The following CACHD1 variants were observed in gnomAD, a reference collection of about 807,000 sequenced individuals.
The protein encoded by CACHD1 is cache domain containing 1, also known as VWFA and cache domain-containing protein 1.
Under a neutral mutation model 138.7 loss-of-function variants are expected in CACHD1, and 71 were observed. The ratio of observed to expected loss-of-function variants is 0.51; its 90% CI spans 0.42 to 0.62. CACHD1 has a LOEUF of 0.62. Among genes scored for constraint, CACHD1 ranks in the 20% least tolerant of loss-of-function variants. The pLI, the probability that CACHD1 is intolerant of heterozygous loss-of-function variation, is 0.00. For missense variants in CACHD1, 1,389 were observed against 1,625.3 expected, an observed-to-expected ratio of 0.85 and a Z score of 2.50; for synonymous variants, 578 against 591.5, an observed-to-expected ratio of 0.98 and a Z score of 0.33.
intron 1 of CACHD1, among the ~76,000 whole-genome samples, chr1:64,523,365 A>G (rs1298800196): frequency 1.4e-5 from 2 of 138,538 alleles, no homozygotes. Context: ...TAGTTAAAAA[A>G]TAAGTTTTCT....
intron 1 of CACHD1, among the ~76,000 whole-genome samples, chr1:64,535,527 GT>G (rs1158271753): frequency 2.0e-5 from 3 of 152,028 alleles, no homozygotes; most frequent in African/African-American, 7.3e-5. Flanking sequence ...GTTTCACCAT[GT>G]TGGCCAGGGT....
intron 3 of CACHD1, among the ~76,000 whole-genome samples, chr1:64,591,068 C>A (rs1387182013): frequency 6.6e-6 from 1 of 152,176 alleles, no homozygotes; most frequent in African/African-American, 2.4e-5. Context: ...CCATTATAGG[C>A]AACTTTTCCT....
intron 1 of CACHD1, among the ~76,000 whole-genome samples, chr1:64,517,342 A>G (rs1646466202): frequency 6.6e-6 from 1 of 152,208 alleles, no homozygotes; most frequent in Admixed American, 6.5e-5. Context: ...GCTAGACAAT[A>G]GACATCATGA....
chr1:64,557,881 C>T (rs1646810551), intron 2 of CACHD1, among the ~76,000 whole-genome samples: 1 of 152,122 alleles, frequency 6.6e-6, no homozygotes, highest in Non-Finnish European at 1.5e-5. Flanking sequence ...TAACTGCAAC[C>T]TCCGCTTCCT....
chr1:64,543,420 T>TATATATAG (rs1413753202), intron 1 of CACHD1, among the ~76,000 whole-genome samples: 1 of 145,236 alleles, frequency 6.9e-6, no homozygotes, highest in Non-Finnish European at 1.5e-5. Flanking sequence ...TATATATATA[T>TATATATAG]ATATATTTAA....
chr1:64,652,533 A>G (rs1649130858), intron 10 of CACHD1, among the ~76,000 whole-genome samples: 1 of 152,216 alleles, frequency 6.6e-6, no homozygotes. Flanking sequence ...TATTTGTAAC[A>G]TCAGGAAATT....
At chr1:64,678,081 C>A in intron 22 of CACHD1, 78 bp from the exon 23 acceptor site, 1 of 1,449,586 alleles carries the variant, frequency 6.9e-7, no homozygotes, top group Non-Finnish European at 9.3e-7. Context: ...ATCCTGAGAA[C>A]TGTCTGATGC....
At chr1:64,491,648 C>T (rs1004051546) in intron 1 of CACHD1, among the ~76,000 whole-genome samples, 1 of 152,154 alleles carries the variant, frequency 6.6e-6, no homozygotes, top group African/African-American at 2.4e-5. Flanking sequence ...TGGGTGGGGA[C>T]ACAGACTCAA....
At chr1:64,492,125 T>TA (rs1431662752) in intron 1 of CACHD1, among the ~76,000 whole-genome samples, 1 of 151,656 alleles carries the variant, frequency 6.6e-6, no homozygotes, top group Non-Finnish European at 1.5e-5. Context: ...AAGCTTTTTT[T>TA]AAAAAAAGAA....
intron 2 of CACHD1, among the ~76,000 whole-genome samples, chr1:64,559,929 G>C (rs116811313): frequency 1.3e-5 from 2 of 152,032 alleles, no homozygotes; most frequent in African/African-American, 4.8e-5. Context: ...ATTTTGGTAA[G>C]TTGATATTTT....
intron 1 of CACHD1, among the ~76,000 whole-genome samples, chr1:64,531,501 G>A (rs1646585428): frequency 7.1e-6 from 1 of 140,782 alleles, no homozygotes; most frequent in Non-Finnish European, 1.5e-5. Flanking sequence ...GTGGTTGTGT[G>A]TGTGTGTGTG....
intron 9 of CACHD1, among the ~76,000 whole-genome samples, chr1:64,651,514 A>T (rs2100680046): frequency 6.6e-6 from 1 of 152,316 alleles, no homozygotes; most frequent in East Asian, 1.9e-4. Context: ...TGTGAGCCAG[A>T]CACAGTGGCT....
intron 25 of CACHD1, among the ~76,000 whole-genome samples, chr1:64,681,706 G>A (rs1015234586): frequency 2.0e-5 from 3 of 151,758 alleles, no homozygotes; most frequent in African/African-American, 4.8e-5. Context: ...ACAACTCAGG[G>A]AGGAAAAAAG....
Position 64,658,722 on chromosome 1 carries a change from T to A in CACHD1, c.1800T>A (p.Phe600Leu). 1 of 1,610,822 alleles carries A rather than the reference T, an allele frequency of 6.2e-7. No individual in the cohort carries two copies. Among genetic ancestry groups the A allele is most frequent in the East Asian group, 2.2e-5 (1 of 44,842 alleles). ...YAWKMVQDTS[F>L]ILCIVVIQPE... is the part of the protein sequence containing the mutation. Reference sequence around the variant, plus strand: ...TTTTACAGGTACAAGACACTTCCTTTATTCTGTGTATTGTGGTGATACAAC... The same window carrying A: ...TTTTACAGGTACAAGACACTTCCTTAATTCTGTGTATTGTGGTGATACAAC... The change falls in exon 13 of 27, where the codon TTT becomes TTA. Residue 600 changes from phenylalanine (F) to leucine (L), a missense_variant. Coordinates refer to ENST00000651257, the MANE Select transcript of CACHD1 (RefSeq NM_020925.4).
intron 1 of CACHD1, among the ~76,000 whole-genome samples, chr1:64,519,827 C>G (rs547547852): frequency 7.3e-6 from 1 of 137,056 alleles, no homozygotes; most frequent in South Asian, 2.4e-4. Context: ...TACACAACTC[C>G]TAGGTGCTTT....
At chr1:64,566,478 T>TCCCC (rs1570372376) in intron 2 of CACHD1, among the ~76,000 whole-genome samples, 1 of 4,994 alleles carries the variant, frequency 2.0e-4, no homozygotes, top group East Asian at 8.8e-3. Flanking sequence ...ATGTTTTCAA[T>TCCCC]TCCCCCCCCC....
chr1:64,652,155 C>T lies in CACHD1; in HGVS notation c.1391-6C>T, dbSNP rs767677411. ...TCTTTAGATTTATTTTGTTTTTAAC[C>T]CATAGGTTTGATAATGACTGTGAGT... On this transcript the variant is annotated splice_polypyrimidine_tract_variant and splice_region_variant and intron_variant, in intron 9 of 26. Coordinates refer to ENST00000651257, the MANE Select transcript of CACHD1 (RefSeq NM_020925.4). 9 of 1,601,872 alleles carry T rather than the reference C, an allele frequency of 5.6e-6. No homozygotes were observed. In the South Asian group the frequency reaches 5.6e-5, roughly 10 times the overall value.
intron 2 of CACHD1, among the ~76,000 whole-genome samples, chr1:64,559,456 T>C (rs1428319546): frequency 1.3e-5 from 2 of 152,080 alleles, no homozygotes; most frequent in Non-Finnish European, 2.9e-5. Flanking sequence ...TGAGAACTCA[T>C]GAACACAAAG....
At chr1:64,566,620 T>G (rs558907378) in intron 2 of CACHD1, among the ~76,000 whole-genome samples, 6 of 152,134 alleles carry the variant, frequency 3.9e-5, no homozygotes, top group Admixed American at 2.0e-4. Flanking sequence ...GAGGCTTTTT[T>G]TTTTTAATGG....
Sources: gnomAD v4.1 joint callset for allele counts (sites outside exome capture counted in the v4.1 genomes callset) on GRCh38, gnomAD v4.1.1 for gene constraint, MANE v1.5 for transcripts, NCBI Gene and HGNC (gene_info 2026-07-23, HGNC 2026-07-21) for gene names.